The following TBX21 variants were observed in gnomAD, a reference collection of about 807,000 sequenced individuals.
TBX21 encodes the protein T-box transcription factor TBX21.
A neutral mutation model predicts 52.2 loss-of-function variants in TBX21; 11 were observed. The ratio of observed to expected loss-of-function variants is 0.21; its 90% confidence interval spans 0.13 to 0.35. The LOEUF is 0.35. Ranked by LOEUF, TBX21 falls within the 10% of genes least tolerant of loss-of-function variation. TBX21 has a pLI of 1.00. For synonymous variants in TBX21, 300 were observed against 316.1 expected (o/e 0.95, Z 0.54); for missense variants, 625 against 755.1 (o/e 0.83, Z 2.02).
chr17:47,735,914 C>T lies in TBX21; in HGVS notation c.491+1969C>T, dbSNP rs2032202297. On this transcript the variant is annotated intron_variant, in intron 1 of 5. Transcript: ENST00000177694. Reference sequence around the variant, plus strand: ...CCCCACAGCCTCTGCCAGGCCTCTGCCTCCTCCTGCCAGTCTTGAGGGATG... The same window carrying T: ...CCCCACAGCCTCTGCCAGGCCTCTGTCTCCTCCTGCCAGTCTTGAGGGATG... Among the ~76,000 whole-genome samples the T allele has an allele frequency of 3.3e-5, 5 of 152,342 alleles. No individual in the cohort carries two copies. The South Asian group carries it at 1.0e-3, about 32-fold the overall frequency.
Position 47,733,546 on chromosome 17 carries a change from C to G in TBX21, c.92C>G (p.Pro31Arg), listed in dbSNP as rs1489226744. ...SDEGRAPGAD[P>R]QHRYFYPEPG... is the part of the protein sequence containing the mutation. Reference sequence around the variant, plus strand: ...GAGGGCCGGGCGCCTGGCGCCGACCCGCAGCACCGCTACTTCTACCCGGAG... The same window carrying G: ...GAGGGCCGGGCGCCTGGCGCCGACCGGCAGCACCGCTACTTCTACCCGGAG... The change falls in exon 1 of 6, where the codon CCG becomes CGG. Residue 31 changes from proline (P) to arginine (R), a missense_variant. Transcript: ENST00000177694. The surrounding 1 kb of genome is among the most constrained non-coding windows in gnomAD (Gnocchi z 6.6). 2 of 1,489,982 alleles carry G rather than the reference C, an allele frequency of 1.3e-6. No homozygotes were observed. The highest frequency in any genetic ancestry group is 1.8e-6 in the Non-Finnish European group (2 of 1,126,758). The allele number at this position is 1,489,982 out of a possible 1,614,324, so 92.3% of individuals were successfully genotyped here.
Position 47,744,269 on chromosome 17 carries a change from G to T in TBX21, c.843G>T (p.Glu281Asp). The part of the protein sequence containing the change: ...HIVEVNDGEP[E>D]AACNASNTHI... ...TTGAGGTGAACGACGGAGAGCCAGAGGCAGCCTGCAACGCTTCCAACACGC... is the reference window on the plus strand; with the variant it reads ...TTGAGGTGAACGACGGAGAGCCAGATGCAGCCTGCAACGCTTCCAACACGC... The change falls in exon 4 of 6, where the codon GAG becomes GAT. Residue 281 changes from glutamate (E) to aspartate (D), a missense_variant. Physicochemically the swap from Glu to Asp is conservative, Grantham distance 45. This residue lies in a region of TBX21 where 142 missense variants were observed against 258.5 expected (regional missense o/e 0.55). Transcript: ENST00000177694. 1 of 1,614,212 alleles carries T rather than the reference G, an allele frequency of 6.2e-7. No individual in the cohort carries two copies. Among genetic ancestry groups the T allele is most frequent in the Non-Finnish European group, 8.5e-7 (1 of 1,180,044 alleles).
In TBX21 at chr17:47,733,645, T is replaced by A; in HGVS notation, c.191T>A (p.Val64Glu). The change falls in exon 1 of 6, where the codon GTG (valine) becomes GAG (glutamate). Residue 64 changes from valine (V) to glutamate (E), a missense_variant. This residue lies in a region of TBX21 where 221 missense variants were observed against 204.9 expected (regional missense o/e 1.08). Coordinates refer to ENST00000177694, the MANE Select transcript of TBX21 (RefSeq NM_013351.2). The surrounding 1 kb of genome is among the most constrained non-coding windows in gnomAD (Gnocchi z 6.6). Reference protein sequence around the residue: ...LGSPYPGGALVPAPPSRFLGA... With the variant: ...LGSPYPGGALEPAPPSRFLGA... The stretch of plus-strand genomic sequence containing the variant: ...TCTCCCTACCCGGGGGGCGCCTTGG[T>A]GCCCGCCCCGCCGAGCCGCTTCCTT... 1.4e-6 allele frequency: 2 copies of A among 1,448,430 alleles called. No homozygotes were observed. Among genetic ancestry groups the A allele is most frequent in the East Asian group, 6.1e-5 (2 of 32,800 alleles). 89.7% of individuals were successfully genotyped at this position (1,448,430 alleles called of 1,614,324 possible). A position where few individuals can be genotyped will look rare whatever the true frequency, so the allele number is the denominator to read the frequency against.
At position 47,742,994 on chromosome 17, in the gene TBX21, TCTCGGG is replaced by T; in HGVS notation, c.647-76_647-71del. 6.3e-7 allele frequency: 1 copy of T among 1,581,664 alleles called. No individual in the cohort carries two copies. The highest frequency in any genetic ancestry group is 1.2e-5 in the South Asian group (1 of 85,876). On this transcript the variant is annotated intron_variant, in intron 2 of 5. Transcript: ENST00000177694. This position sits in a 1 kb window ranked among gnomAD's most constrained non-coding sequence, Gnocchi z 4.4. ...CCCCCTGTGTCCTTCCTTACGTCCCTCTCGGGACAGGCAAAGCCCTACATCACCAGG... is the reference window on the plus strand; with the variant it reads ...CCCCCTGTGTCCTTCCTTACGTCCCTACAGGCAAAGCCCTACATCACCAGG...
intron 1 of TBX21, among the ~76,000 whole-genome samples, chr17:47,739,689 G>A (rs1475506783): frequency 6.6e-6 from 1 of 151,866 alleles, no homozygotes; most frequent in Non-Finnish European, 1.5e-5. Context: ...GTGAACCTTG[G>A]AGGCGGAGCT....
rs148585474 is a variant in TBX21, at chr17:47,739,787, C to T, written c.492-2823C>T. Among the ~76,000 whole-genome samples the T allele has an allele frequency of 1.4e-3, 212 of 147,618 alleles. 1 individual carries two copies. The highest frequency in any genetic ancestry group is 3.9e-3 in the African/African-American group (155 of 39,876). Reference sequence around the variant, plus strand: ...AAAAAAAAAAAAAAAATTAGCCAGGCGCAGTGTTGGGTGCCTGTAGTCAAG... The same window carrying T: ...AAAAAAAAAAAAAAAATTAGCCAGGTGCAGTGTTGGGTGCCTGTAGTCAAG... On this transcript the variant is annotated intron_variant, in intron 1 of 5. Coordinates refer to ENST00000177694, the MANE Select transcript of TBX21 (RefSeq NM_013351.2).
chr17:47,744,771 G>T lies in TBX21; in HGVS notation c.1013G>T (p.Ser338Ile). Residue 338 changes from serine (S) to isoleucine (I), a missense_variant, in exon 6 of 6, where the codon AGC becomes ATC. By Grantham distance (142) the Ser-to-Ile change is moderately radical. This residue lies in a region of TBX21 where 261 missense variants were observed against 275.1 expected (regional missense o/e 0.95). Transcript: ENST00000177694. ...FESMYTSVDT[S>I]IPSPPGPNCQ... ...AGCATGTACACATCTGTTGACACCA[G>T]CATCCCCTCCCCGCCTGGACCCAAC... 1 of 1,613,848 alleles carries T rather than the reference G, an allele frequency of 6.2e-7. No individual in the cohort carries two copies.
chr17:47,743,135 T>C lies in TBX21; in HGVS notation c.711T>C (p.Val237=). Residue 237 remains valine (V), a synonymous_variant, in exon 3 of 6, where the codon GTT becomes GTC. Coordinates refer to ENST00000177694, the MANE Select transcript of TBX21 (RefSeq NM_013351.2). The stretch of plus-strand genomic sequence containing the variant: ...GAGCGCACTGGATGCGCCAGGAAGT[T>C]TCATTTGGGAAACTAAAGCTCACAA... ...NTGAHWMRQE[V]SFGKLKLTNN... 6.2e-7 allele frequency: 1 copy of C among 1,614,146 alleles called. No individual in the cohort carries two copies. Among genetic ancestry groups the C allele is most frequent in the Non-Finnish European group, 8.5e-7 (1 of 1,180,008 alleles).
rs1375752794 is a variant in TBX21, at chr17:47,743,033, C to A, written c.647-38C>A. ...AAGCCCTACATCACCAGGGTTCTGT[C>A]CCGGGGGCTGCATGTCAAAGAGGTG... On this transcript the variant is annotated intron_variant, in intron 2 of 5. Transcript: ENST00000177694. 2.5e-6 allele frequency: 4 copies of A among 1,611,716 alleles called. No homozygotes were observed. In the East Asian group the frequency reaches 6.7e-5, roughly 27 times the overall value.
At chr17:47,735,568 C>T (rs529804660) in intron 1 of TBX21, among the ~76,000 whole-genome samples, 1 of 152,310 alleles carries the variant, frequency 6.6e-6, no homozygotes, top group Admixed American at 6.5e-5. Context: ...ACACAACACA[C>T]TCATTGCAGG....
intron 1 of TBX21, among the ~76,000 whole-genome samples, chr17:47,739,578 G>A (rs542743723): frequency 1.1e-3 from 162 of 152,200 alleles, no homozygotes; most frequent in African/African-American, 3.8e-3. Context: ...GATTAACATG[G>A]TGAAACCCCG....
chr17:47,743,195 A>G lies in TBX21; in HGVS notation c.768+3A>G, dbSNP rs2032286546. The G allele has an allele frequency of 6.2e-7, 1 of 1,614,038 alleles. No homozygotes were observed. Among genetic ancestry groups the G allele is most frequent in the Non-Finnish European group, 8.5e-7 (1 of 1,179,932 alleles). ...GGGCGTCCAACAATGTGACCCAGGT[A>G]GGACCTGCTCTTCAAAAGGTAGCCT... On this transcript the variant is annotated splice_donor_region_variant and intron_variant, in intron 3 of 5. Transcript: ENST00000177694.
At chr17:47,734,557 GT>G (rs2032182047) in intron 1 of TBX21, among the ~76,000 whole-genome samples, 3 of 38,622 alleles carry the variant, frequency 7.8e-5, no homozygotes, top group Admixed American at 2.5e-4. Context: ...TATGTCTGGT[GT>G]GTGTGTGTGT....
At chr17:47,743,430 C>T (rs903015233) in intron 3 of TBX21, among the ~76,000 whole-genome samples, 14 of 152,124 alleles carry the variant, frequency 9.2e-5, no homozygotes, top group East Asian at 3.9e-4. Context: ...GAATCTTGGA[C>T]GGGGGTCATA....
Position 47,733,561 on chromosome 17 carries a change from T to A in TBX21, c.107T>A (p.Phe36Tyr). 1 of 1,480,282 alleles carries A rather than the reference T, an allele frequency of 6.8e-7. No individual in the cohort carries two copies. Among genetic ancestry groups the A allele is most frequent in the Non-Finnish European group, 8.9e-7 (1 of 1,122,774 alleles). 91.7% of individuals were successfully genotyped at this position (1,480,282 alleles called of 1,614,324 possible). The change falls in exon 1 of 6, where the codon TTC becomes TAC. Residue 36 changes from phenylalanine (F) to tyrosine (Y), a missense_variant. Physicochemically the swap from Phe to Tyr is conservative, Grantham distance 22. Around this residue, in one of 4 missense-constraint regions of TBX21, gnomAD observed 221 missense variants for 204.9 expected, o/e 1.08. Transcript: ENST00000177694. The surrounding 1 kb of genome is among the most constrained non-coding windows in gnomAD (Gnocchi z 6.6). ...APGADPQHRY[F>Y]YPEPGAQDAD... ...GGCGCCGACCCGCAGCACCGCTACT[T>A]CTACCCGGAGCCGGGCGCGCAGGAC...
rs759076098 is a variant in TBX21 at position 47,744,994 on chromosome 17, C to T, written c.1236C>T (p.Ala412=). Residue 412 remains alanine (A), a synonymous_variant, in exon 6 of 6, where the codon GCC becomes GCT. Transcript: ENST00000177694. The part of the protein sequence containing the change: ...VSMKPAFLPS[A]PGPTMSYYRG... ...TGAAGCCTGCATTCTTGCCCTCTGC[C>T]CCTGGGCCCACCATGTCCTACTACC... 1 of 1,613,080 alleles carries T rather than the reference C, an allele frequency of 6.2e-7. No homozygotes were observed. Among genetic ancestry groups the T allele is most frequent in the Admixed American group, 1.7e-5 (1 of 60,008 alleles).
In TBX21 at chr17:47,745,306, G is replaced by C; in HGVS notation, c.1548G>C (p.Gly516=). 6.2e-7 allele frequency: 1 copy of C among 1,613,060 alleles called. No individual in the cohort carries two copies. The change falls in exon 6 of 6, where the codon GGG becomes GGC. Residue 516 remains glycine (G), a synonymous_variant. Transcript: ENST00000177694. The stretch of plus-strand genomic sequence containing the variant: ...GTGGTGACAGCTCCTCCCCTGCTGG[G>C]GCCCCTTCTCCTTTTGATAAGGAAG... ...PSSGDSSSPA[G]APSPFDKEAE...
At chr17:47,739,891 C>T (rs1305168460) in intron 1 of TBX21, among the ~76,000 whole-genome samples, 2 of 150,982 alleles carry the variant, frequency 1.3e-5, no homozygotes, top group African/African-American at 2.4e-5. Flanking sequence ...GGGGACAGAG[C>T]GAGACTCTGT....
chr17:47,745,000 G>A lies in TBX21; in HGVS notation c.1242G>A (p.Gly414=). ...CTGCATTCTTGCCCTCTGCCCCTGGGCCCACCATGTCCTACTACCGAGGCC... is the reference window on the plus strand; with the variant it reads ...CTGCATTCTTGCCCTCTGCCCCTGGACCCACCATGTCCTACTACCGAGGCC... The part of the protein sequence containing the change: ...MKPAFLPSAP[G]PTMSYYRGQE... Residue 414 remains glycine, a synonymous_variant, in exon 6 of 6, where the codon GGG becomes GGA. Transcript: ENST00000177694. 1 of 1,612,904 alleles carries A rather than the reference G, an allele frequency of 6.2e-7. No individual in the cohort carries two copies.
Sources: gnomAD v4.1 joint callset for allele counts (sites outside exome capture counted in the v4.1 genomes callset) on GRCh38, gnomAD v4.1.1 for gene constraint, gnomAD v4.1.1 regional missense constraint, Gnocchi (gnomAD v3.1) non-coding constraint, MANE v1.5 for transcripts, NCBI Gene and HGNC (gene_info 2026-07-23, HGNC 2026-07-21) for gene names.